The following XRCC5 variants were observed in gnomAD, a reference collection of about 807,000 sequenced individuals.
XRCC5 encodes the protein X-ray repair cross complementing 5.
Under a neutral mutation model 95.7 loss-of-function variants are expected in XRCC5, and 12 were observed. That is an observed-to-expected ratio of 0.13 (90% CI 0.08 to 0.20). The LOEUF (loss-of-function observed/expected upper bound fraction) is 0.20, where lower values mean the gene tolerates loss of function less well. XRCC5 is among the 10% of genes least tolerant of loss of function. XRCC5 has a pLI of 1.00. For synonymous variants in XRCC5, 281 were observed against 290.3 expected, an observed-to-expected ratio of 0.97 and a Z score of 0.33; for missense variants, 595 against 873.9, an observed-to-expected ratio of 0.68 and a Z score of 4.02.
intron 9 of XRCC5, 83 bp downstream of exon 9, chr2:216,131,070 A>G (rs1362646037): frequency 3.5e-6 from 5 of 1,430,932 alleles, no homozygotes; most frequent in Non-Finnish European, 4.7e-6. Context: ...TTTATTTATA[A>G]GGTATATTTA....
At chr2:216,183,289 C>G (rs753338250) in intron 16 of XRCC5, among the ~76,000 whole-genome samples, 42 of 152,188 alleles carry the variant, frequency 2.8e-4, no homozygotes, top group Non-Finnish European at 5.6e-4. Context: ...TGCATTTACT[C>G]TGTTCCTTGT....
chr2:216,111,506 A>T, intron 1 of XRCC5: 4 of 314,728 alleles, frequency 1.3e-5, no homozygotes, highest in Non-Finnish European at 2.6e-5. Context: ...CCTGGGTGAC[A>T]GTGAGACCAT....
intron 16 of XRCC5, among the ~76,000 whole-genome samples, chr2:216,165,795 T>C (rs753155941): frequency 2.6e-5 from 4 of 152,212 alleles, no homozygotes; most frequent in Non-Finnish European, 4.4e-5. Context: ...AGAACTCGGC[T>C]GTTTTACCTA....
intron 16 of XRCC5, among the ~76,000 whole-genome samples, chr2:216,180,452 C>T (rs527830160): frequency 5.9e-5 from 9 of 152,260 alleles, no homozygotes; most frequent in African/African-American, 2.2e-4. Flanking sequence ...ATGGCAAAAC[C>T]CCATCTCTAC....
intron 8 of XRCC5, among the ~76,000 whole-genome samples, chr2:216,128,337 A>G (rs1332842523): frequency 1.3e-5 from 2 of 152,166 alleles, no homozygotes; most frequent in African/African-American, 4.8e-5. Context: ...ACTACCCAGT[A>G]TAGTTTTGAT....
chr2:216,142,054 T>TA (rs1215766799), intron 13 of XRCC5, among the ~76,000 whole-genome samples: 15 of 150,046 alleles, frequency 1.0e-4, no homozygotes, highest in Admixed American at 2.0e-4. Context: ...ACCGAGTCTT[T>TA]AAAAAAAAAG....
At chr2:216,114,748 T>G (rs144719461) in intron 2 of XRCC5, among the ~76,000 whole-genome samples, 74 of 152,234 alleles carry the variant, frequency 4.9e-4, no homozygotes, top group Middle Eastern at 3.4e-3. Flanking sequence ...CAAGCTATAA[T>G]CCTTAAGGTT....
At chr2:216,168,075 TA>T (rs1287923652) in intron 16 of XRCC5, among the ~76,000 whole-genome samples, 1 of 152,236 alleles carries the variant, frequency 6.6e-6, no homozygotes, top group Non-Finnish European at 1.5e-5. Flanking sequence ...GGTCTCATTG[TA>T]ACACAAAAAT....
At chr2:216,154,610 T>A (rs539028416) in intron 14 of XRCC5, among the ~76,000 whole-genome samples, 7 of 152,354 alleles carry the variant, frequency 4.6e-5, no homozygotes, top group Admixed American at 2.6e-4. Flanking sequence ...ATCACTGTCT[T>A]GCTTAAAATT....
intron 16 of XRCC5, among the ~76,000 whole-genome samples, chr2:216,164,764 C>T (rs1469876280): frequency 6.6e-6 from 1 of 152,156 alleles, no homozygotes; most frequent in Non-Finnish European, 1.5e-5. Context: ...CCACAAATTA[C>T]TCAGTGTCAG....
At chr2:216,110,812 T>G (rs1216602579) in intron 1 of XRCC5, among the ~76,000 whole-genome samples, 2 of 152,240 alleles carry the variant, frequency 1.3e-5, no homozygotes, top group African/African-American at 4.8e-5. Flanking sequence ...TAAGTTTTTT[T>G]AGGTTATCAT....
chr2:216,193,214 T>C (rs7583902), intron 18 of XRCC5, among the ~76,000 whole-genome samples: 31,602 of 152,128 alleles, frequency 0.21, 4,749 homozygotes, highest in African/African-American at 0.43. Context: ...CATTCAGTTC[T>C]TCACTTGCAC....
At position 216,111,070 on chromosome 2, in the gene XRCC5, C is replaced by G. The variant is rs962482456; in HGVS notation, c.21+1613C>G. ...CAGGTTTTTAAAACATTTCTAGGGT[C>G]AAGAGATCACTTAAAAAAGAGTAGT... On this transcript the variant is annotated intron_variant, in intron 1 of 20. Coordinates refer to ENST00000392132, the MANE Select transcript of XRCC5 (RefSeq NM_021141.4). 2.6e-5 allele frequency among the ~76,000 whole-genome samples: 4 copies of G among 152,170 alleles called. No individual in the cohort carries two copies. In the East Asian group the frequency reaches 7.7e-4, roughly 29 times the overall value.
intron 2 of XRCC5, among the ~76,000 whole-genome samples, chr2:216,114,125 GAATT>G (rs1559235785): frequency 6.6e-6 from 1 of 152,170 alleles, no homozygotes; most frequent in East Asian, 1.9e-4. Flanking sequence ...AAGAATAAAA[GAATT>G]AATGTAGATA....
At chr2:216,143,477 C>G (rs1033213631) in intron 13 of XRCC5, among the ~76,000 whole-genome samples, 8 of 151,916 alleles carry the variant, frequency 5.3e-5, no homozygotes, top group African/African-American at 1.4e-4. Context: ...TTAATAAATG[C>G]TTATTGGAAT....
intron 8 of XRCC5, 37 bp downstream of exon 8, chr2:216,127,711 C>T (rs1305809922): frequency 1.9e-6 from 3 of 1,552,806 alleles, no homozygotes; most frequent in East Asian, 2.3e-5. Flanking sequence ...GCCTAAAAGA[C>T]ATTTTCTTCA....
chr2:216,203,870 A>ATTTTTTTTTTTTTTTTTTT (rs1463199193), intron 19 of XRCC5: 1 of 59,620 alleles, frequency 1.7e-5, no homozygotes. Flanking sequence ...TTTTTTCCTG[A>ATTTTTTTTTTTTTTTTTTT]TTCTTCATCA....
chr2:216,109,355 G>A lies in XRCC5; in HGVS notation c.-82G>A, dbSNP rs1270280588. On this transcript the variant is annotated 5_prime_UTR_variant, in exon 1 of 21. Transcript: ENST00000392132. ...AACGAAGCGGCTCTTTCCGCTATCT[G>A]CCGCTTGTCCACCGGAAGCGAGTTG... 2 of 1,606,222 alleles carry A rather than the reference G, an allele frequency of 1.2e-6. No homozygotes were observed. The highest frequency in any genetic ancestry group is 2.2e-5 in the East Asian group (1 of 44,464).
intron 18 of XRCC5, among the ~76,000 whole-genome samples, chr2:216,194,661 C>G (rs1187344025): frequency 1.3e-5 from 2 of 152,082 alleles, no homozygotes; most frequent in Non-Finnish European, 2.9e-5. Context: ...AACAGAGCAC[C>G]TTTATAGTTT....
Sources: allele counts gnomAD v4.1 joint callset (sites outside exome capture counted in the v4.1 genomes callset), GRCh38; gene constraint gnomAD v4.1.1; transcripts MANE v1.5; gene names NCBI Gene and HGNC (gene_info 2026-07-23, HGNC 2026-07-21).